Variants in CSMD1 observed in about 807,000 individuals in gnomAD.
CSMD1 encodes CUB and sushi domain-containing protein 1.
Under a neutral mutation model 417.5 loss-of-function variants are expected in CSMD1, and 213 were observed. That is an observed-to-expected ratio of 0.51 (90% CI 0.46 to 0.57). The LOEUF is 0.57. Among genes scored for constraint, CSMD1 ranks in the 20% least tolerant of loss-of-function variants. The pLI, the probability that CSMD1 is intolerant of heterozygous loss-of-function variation, is 0.00. For missense variants in CSMD1, 6,923 were observed against 4,529.7 expected (o/e 1.53, Z -15.17); for synonymous variants, 2,862 against 1,736.8 (o/e 1.65, Z -16.11).
At chr8:3,380,420 C>T (rs1334561556) in intron 18 of CSMD1, among the ~76,000 whole-genome samples, 2 of 152,174 alleles carry the variant, frequency 1.3e-5, no homozygotes, top group Non-Finnish European at 2.9e-5. Flanking sequence ...AATCATTCTA[C>T]TATGAAGACA....
chr8:4,568,430 C>G (rs1469288546), intron 2 of CSMD1, among the ~76,000 whole-genome samples: 3 of 152,132 alleles, frequency 2.0e-5, no homozygotes, highest in African/African-American at 4.8e-5. Flanking sequence ...TCACCCATGT[C>G]CTTGCAAATG....
At chr8:3,729,396 G>C (rs909818510) in intron 6 of CSMD1, among the ~76,000 whole-genome samples, 51 of 152,172 alleles carry the variant, frequency 3.4e-4, no homozygotes, top group African/African-American at 1.1e-3. Flanking sequence ...TGCTCAGTCA[G>C]TTCTTAGGCA....
intron 2 of CSMD1, among the ~76,000 whole-genome samples, chr8:4,510,507 T>C (rs540516147): frequency 1.3e-5 from 2 of 149,550 alleles, no homozygotes; most frequent in African/African-American, 4.9e-5. Flanking sequence ...AATAATTAGC[T>C]TCATGAACTT....
chr8:2,938,483 G>T lies in CSMD1; in HGVS notation c.*102C>A. On this transcript the variant is annotated 3_prime_UTR_variant, in exon 70 of 70. Transcript: ENST00000635120. The stretch of plus-strand genomic sequence containing the variant: ...GTAGACAAGGTTGAAGATCGCTGCA[G>T]TAAAGCCAGAGTGGAAGGGAGAGTG... 8.5e-7 allele frequency: 1 copy of T among 1,174,478 alleles called. No individual in the cohort carries two copies. Among genetic ancestry groups the T allele is most frequent in the Non-Finnish European group, 1.2e-6 (1 of 839,928 alleles). The allele number at this position is 1,174,478 out of a possible 1,614,324, so 72.8% of individuals were successfully genotyped here.
intron 52 of CSMD1, among the ~76,000 whole-genome samples, chr8:3,001,280 G>C (rs1288957648): frequency 6.6e-6 from 1 of 152,118 alleles, no homozygotes; most frequent in Non-Finnish European, 1.5e-5. Flanking sequence ...ACAGGTGTGA[G>C]CCACCACAAC....
chr8:3,100,482 G>C (rs185468577), intron 46 of CSMD1, among the ~76,000 whole-genome samples: 1 of 152,232 alleles, frequency 6.6e-6, no homozygotes, highest in Non-Finnish European at 1.5e-5. Context: ...AGGGACCGCA[G>C]TGCGGTCCTA....
At chr8:3,420,199 T>A (rs1005335136) in intron 12 of CSMD1, among the ~76,000 whole-genome samples, 4 of 152,276 alleles carry the variant, frequency 2.6e-5, no homozygotes, top group Admixed American at 6.5e-5. Flanking sequence ...ATACAACTAC[T>A]TTATGATATT....
intron 1 of CSMD1, among the ~76,000 whole-genome samples, chr8:4,685,700 A>G (rs76399701): frequency 0.03 from 4,604 of 152,352 alleles, 224 homozygotes; most frequent in African/African-American, 0.1. Context: ...AGTACAAGGA[A>G]GTGAAACGGT....
At chr8:3,294,474 G>C (rs993933476) in intron 25 of CSMD1, among the ~76,000 whole-genome samples, 4 of 152,198 alleles carry the variant, frequency 2.6e-5, no homozygotes, top group Non-Finnish European at 5.9e-5. Flanking sequence ...GCTCCACCCA[G>C]TTCAAGCTTC....
chr8:3,120,025 C>T (rs572459027), intron 41 of CSMD1, among the ~76,000 whole-genome samples: 3 of 152,246 alleles, frequency 2.0e-5, no homozygotes, highest in Non-Finnish European at 2.9e-5. Context: ...ATTCCTTAAC[C>T]ATTGACAATA....
At chr8:3,537,164 C>T (rs549439437) in intron 10 of CSMD1, among the ~76,000 whole-genome samples, 1 of 152,028 alleles carries the variant, frequency 6.6e-6, no homozygotes, top group Non-Finnish European at 1.5e-5. Context: ...CCACCACGCC[C>T]AGCTAATTTG....
chr8:4,059,456 A>G (rs1442068409), intron 3 of CSMD1, among the ~76,000 whole-genome samples: 1 of 152,202 alleles, frequency 6.6e-6, no homozygotes, highest in African/African-American at 2.4e-5. Flanking sequence ...GCAGAACTGA[A>G]GGAAATAGAG....
chr8:3,953,979 C>T (rs1484344945), intron 5 of CSMD1, among the ~76,000 whole-genome samples: 1 of 152,190 alleles, frequency 6.6e-6, no homozygotes, highest in Non-Finnish European at 1.5e-5. Context: ...AGGAGCCCTT[C>T]CTTCCTCTGG....
intron 49 of CSMD1, among the ~76,000 whole-genome samples, chr8:3,078,971 G>GA (rs997127049): frequency 6.6e-6 from 1 of 152,136 alleles, no homozygotes; most frequent in Non-Finnish European, 1.5e-5. Flanking sequence ...TTCAAAACGG[G>GA]GGGGAGCACC....
intron 5 of CSMD1, among the ~76,000 whole-genome samples, chr8:3,760,893 C>T (rs765343111): frequency 5.3e-5 from 8 of 152,062 alleles, no homozygotes; most frequent in Non-Finnish European, 1.2e-4. Flanking sequence ...ATTTAATAAA[C>T]CTATTACTTG....
At chr8:3,479,140 C>G (rs911847748) in intron 11 of CSMD1, among the ~76,000 whole-genome samples, 2 of 152,050 alleles carry the variant, frequency 1.3e-5, no homozygotes, top group Non-Finnish European at 2.9e-5. Context: ...CTTGAAGCCT[C>G]CAATAGTCAA....
At chr8:3,537,193 G>A (rs1020125927) in intron 10 of CSMD1, among the ~76,000 whole-genome samples, 4 of 151,968 alleles carry the variant, frequency 2.6e-5, no homozygotes, top group Non-Finnish European at 4.4e-5. Context: ...TAAGAGACAG[G>A]TTTCACCATG....
chr8:3,294,099 C>G (rs763250636), intron 25 of CSMD1, among the ~76,000 whole-genome samples: 2 of 152,140 alleles, frequency 1.3e-5, no homozygotes, highest in African/African-American at 4.8e-5. Context: ...CACTCCGGAC[C>G]CTGTTTGCCT....
At chr8:3,751,980 G>A (rs749271143) in intron 6 of CSMD1, among the ~76,000 whole-genome samples, 13 of 152,232 alleles carry the variant, frequency 8.5e-5, no homozygotes, top group South Asian at 4.2e-4. Flanking sequence ...AATCTGGTAC[G>A]GGATGGACAT....
Sources: allele counts gnomAD v4.1 joint callset (sites outside exome capture counted in the v4.1 genomes callset), GRCh38; gene constraint gnomAD v4.1.1; transcripts MANE v1.5; gene names NCBI Gene and HGNC (gene_info 2026-07-23, HGNC 2026-07-21).